The following MARK4 variants were observed in gnomAD, a reference collection of about 807,000 sequenced individuals.
MARK4 encodes the protein microtubule affinity regulating kinase 4, also known as MAP/microtubule affinity-regulating kinase 4.
MARK4 carries 19 observed loss-of-function variants against 81.5 expected under a neutral mutation model. The observed-to-expected ratio is 0.23, with a 90% CI of 0.16 to 0.34. The LOEUF (loss-of-function observed/expected upper bound fraction) is 0.34, where lower values mean the gene tolerates loss of function less well. Among genes scored for constraint, MARK4 ranks in the 10% least tolerant of loss-of-function variants. The probability of loss-of-function intolerance (pLI) is 1.00; values close to 1 mark genes in which losing one functional copy is unlikely to be tolerated. For synonymous variants in MARK4, 436 were observed against 439.0 expected (o/e 0.99, Z 0.08); for missense variants, 772 against 1,058.8 (o/e 0.73, Z 3.76).
At chr19:45,278,368 G>A in intron 9 of MARK4, 148 bp from the exon 10 acceptor site, 4 of 742,470 alleles carry the variant, frequency 5.4e-6, no homozygotes, top group South Asian at 4.9e-5. Context: ...GGGACGTGGG[G>A]GAGAGAGAGG....
At chr19:45,263,477 C>T in intron 4 of MARK4, 110 bp downstream of exon 4, 2 of 1,360,902 alleles carry the variant, frequency 1.5e-6, no homozygotes, top group Non-Finnish European at 2.1e-6. Context: ...CGCAGTGGCT[C>T]ACTCCTGTAA....
rs1027729596 is a variant in MARK4, at chr19:45,302,278, A to G, written c.1923-96A>G. On this transcript the variant is annotated intron_variant, in intron 16 of 16. Transcript: ENST00000262891. This position sits in a 1 kb window ranked among gnomAD's most constrained non-coding sequence, Gnocchi z 4.9. ...GAAGATGTTTTTTGAGGGGATGGCT[A>G]GGAATGTGTCCCGAATTGGGAAGAG... 6.3e-7 allele frequency: 1 copy of G among 1,583,698 alleles called. No individual in the cohort carries two copies. The highest frequency in any genetic ancestry group is 8.6e-7 in the Non-Finnish European group (1 of 1,163,136).
In MARK4 at chr19:45,278,621, G is replaced by A. The variant is rs62118532; in HGVS notation, c.1006+6G>A. On this transcript the variant is annotated splice_donor_region_variant and intron_variant, in intron 10 of 16. Transcript: ENST00000262891. ...CGGGGACACCAAGAGAATTGGTGAGGGTCAGGGAGAGCCATCCTGTCACCC... is the reference window on the plus strand; with the variant it reads ...CGGGGACACCAAGAGAATTGGTGAGAGTCAGGGAGAGCCATCCTGTCACCC... 6.2e-7 allele frequency: 1 copy of A among 1,607,754 alleles called. No individual in the cohort carries two copies.
chr19:45,299,659 G>T lies in MARK4; in HGVS notation c.1878-152G>T, dbSNP rs1220489534. 3 of 520,210 alleles carry T rather than the reference G, an allele frequency of 5.8e-6. No individual in the cohort carries two copies. In the Admixed American group the frequency reaches 1.1e-4, roughly 19 times the overall value. 32.2% of individuals were successfully genotyped at this position (520,210 alleles called of 1,614,324 possible). ...CAGAATGAGCCCCGTTATGGGGATG[G>T]ACAAGGAGATCAAATCCTGACTCCA... is the stretch of plus-strand genomic sequence containing the variant. On this transcript the variant is annotated intron_variant, in intron 15 of 16. Coordinates refer to ENST00000262891, the MANE Select transcript of MARK4 (RefSeq NM_001199867.2).
intron 2 of MARK4, 120 bp from the exon 3 acceptor site, chr19:45,262,992 TG>T: frequency 8.6e-7 from 1 of 1,163,088 alleles, no homozygotes; most frequent in Non-Finnish European, 1.2e-6. Context: ...CTCGAACTCC[TG>T]GCCTCAAGTG....
intron 12 of MARK4, 93 bp from the exon 13 acceptor site, chr19:45,287,354 C>T (rs1016169921): frequency 2.3e-6 from 2 of 853,920 alleles, no homozygotes; most frequent in African/African-American, 1.7e-5. Flanking sequence ...AGATTGCAAC[C>T]CACGTGAGGA....
chr19:45,302,453 C>G lies in MARK4; in HGVS notation c.2002C>G (p.Arg668Gly). 6.2e-7 allele frequency: 1 copy of G among 1,613,604 alleles called. No homozygotes were observed. Residue 668 changes from arginine (R) to glycine (G), a missense_variant, in exon 17 of 17, where the codon CGC (arginine) becomes GGC (glycine). Physicochemically the swap from Arg to Gly is moderately radical, Grantham distance 125. Coordinates refer to ENST00000262891, the MANE Select transcript of MARK4 (RefSeq NM_001199867.2). The surrounding 1 kb of genome is among the most constrained non-coding windows in gnomAD (Gnocchi z 4.9). ...CTGGAGTGTGAAGCTGACCAGCTCG[C>G]GCCCTCCTGAGGCCCTGATGGCAGC... ...FPWSVKLTSS[R>G]PPEALMAALR...
chr19:45,286,749 A>G (rs1970747721), intron 12 of MARK4, among the ~76,000 whole-genome samples: 1 of 152,016 alleles, frequency 6.6e-6, no homozygotes, highest in Non-Finnish European at 1.5e-5. Flanking sequence ...AACTTAAGAT[A>G]TATAAAAACA....
chr19:45,263,178 G>A lies in MARK4; in HGVS notation c.306+12G>A. ...GCAGCCTGCAGAAGGTGAGGCTGGG[G>A]AGACGGGGGAGAGCAGGAGCCAGGC... is the stretch of plus-strand genomic sequence containing the variant. On this transcript the variant is annotated intron_variant, in intron 3 of 16. Coordinates refer to ENST00000262891, the MANE Select transcript of MARK4 (RefSeq NM_001199867.2). 1 of 1,610,358 alleles carries A rather than the reference G, an allele frequency of 6.2e-7. No individual in the cohort carries two copies. The highest frequency in any genetic ancestry group is 8.5e-7 in the Non-Finnish European group (1 of 1,178,228).
intron 13 of MARK4, among the ~76,000 whole-genome samples, chr19:45,290,088 G>A (rs1970801872): frequency 1.3e-5 from 2 of 152,210 alleles, no homozygotes; most frequent in South Asian, 4.1e-4. Flanking sequence ...AGTCTCCAGA[G>A]GGAGACCTTG....
chr19:45,255,151 C>T (rs1442326119), intron 1 of MARK4, among the ~76,000 whole-genome samples: 3 of 151,398 alleles, frequency 2.0e-5, no homozygotes, highest in Non-Finnish European at 4.4e-5. Context: ...TCCAGTGAGC[C>T]TTGATTACAC....
intron 1 of MARK4, among the ~76,000 whole-genome samples, chr19:45,253,843 G>T (rs148553258): frequency 9.9e-4 from 151 of 152,264 alleles, no homozygotes; most frequent in African/African-American, 3.5e-3. Flanking sequence ...TCCCTCCCTA[G>T]CTGTGTGACC....
chr19:45,255,118 G>C (rs1970290582), intron 1 of MARK4, among the ~76,000 whole-genome samples: 1 of 151,884 alleles, frequency 6.6e-6, no homozygotes, highest in Non-Finnish European at 1.5e-5. Context: ...GGGAGGATTT[G>C]CTTGAACCCA....
At chr19:45,279,227 GA>G (rs1970640923) in intron 10 of MARK4, among the ~76,000 whole-genome samples, 1 of 151,550 alleles carries the variant, frequency 6.6e-6, no homozygotes, top group Non-Finnish European at 1.5e-5. Context: ...CTCAAAAAAA[GA>G]AAAAAAGGTC....
intron 12 of MARK4, among the ~76,000 whole-genome samples, 166 bp downstream of exon 12, chr19:45,280,900 G>T (rs1208816752): frequency 6.6e-6 from 1 of 152,130 alleles, no homozygotes; most frequent in Non-Finnish European, 1.5e-5. Context: ...GAACTTGGAG[G>T]CAGGAATGCA....
intron 7 of MARK4, among the ~76,000 whole-genome samples, chr19:45,267,584 C>T (rs778543092): frequency 2.0e-5 from 3 of 152,154 alleles, no homozygotes; most frequent in Non-Finnish European, 2.9e-5. Flanking sequence ...TCTTGACTGT[C>T]GTTTTGTGAG....
chr19:45,287,610 C>A lies in MARK4; in HGVS notation c.1440C>A (p.His480Gln). The A allele has an allele frequency of 6.3e-7, 1 of 1,596,308 alleles. No homozygotes were observed. Among genetic ancestry groups the A allele is most frequent in the Non-Finnish European group, 8.6e-7 (1 of 1,167,714 alleles). ...CCAGCCCCATGGTCAGCAGCGCCCACAACCCCAACAAGGCAGAGATCCCAG... is the reference window on the plus strand; with the variant it reads ...CCAGCCCCATGGTCAGCAGCGCCCAAAACCCCAACAAGGCAGAGATCCCAG... ...PPSSPMVSSA[H>Q]NPNKAEIPER... Residue 480 changes from histidine (H) to glutamine (Q), a missense_variant, in exon 13 of 17, where the codon CAC (histidine) becomes CAA (glutamine). Physicochemically the swap from His to Gln is conservative, Grantham distance 24. This residue lies in a region of MARK4 where 548 missense variants were observed against 624.3 expected (regional missense o/e 0.88). Coordinates refer to ENST00000262891, the MANE Select transcript of MARK4 (RefSeq NM_001199867.2).
intron 12 of MARK4, among the ~76,000 whole-genome samples, chr19:45,285,516 T>C (rs942424983): frequency 6.6e-6 from 1 of 152,172 alleles, no homozygotes; most frequent in Non-Finnish European, 1.5e-5. Flanking sequence ...ACACGGGAAG[T>C]GGTGCTTCTG....
At chr19:45,299,983 G>A (rs1970946445) in intron 16 of MARK4, 128 bp downstream of exon 16, 5 of 770,850 alleles carry the variant, frequency 6.5e-6, no homozygotes, top group Non-Finnish European at 7.7e-6. Context: ...GAAATGCCCT[G>A]TGGCCCCAGC....
Sources: allele counts gnomAD v4.1 joint callset (sites outside exome capture counted in the v4.1 genomes callset), GRCh38; gene constraint gnomAD v4.1.1; regional missense constraint gnomAD v4.1.1; non-coding constraint Gnocchi (gnomAD v3.1); transcripts MANE v1.5; gene names NCBI Gene and HGNC (gene_info 2026-07-23, HGNC 2026-07-21).